Variants in PDIA5 observed in about 807,000 individuals in gnomAD.
The protein encoded by PDIA5 is protein disulfide-isomerase A5.
In PDIA5, 58 loss-of-function variants were observed where a neutral mutation model predicts 77.6. The observed-to-expected ratio is 0.75, with a 90% CI of 0.61 to 0.93. The LOEUF (loss-of-function observed/expected upper bound fraction) is 0.93. Ranked by LOEUF, PDIA5 falls within the 40% of genes least tolerant of loss-of-function variation. The probability of loss-of-function intolerance (pLI) is 0.00; values close to 1 mark genes in which losing one functional copy is unlikely to be tolerated. For synonymous variants in PDIA5, 250 were observed against 252.1 expected (o/e 0.99, Z 0.08); for missense variants, 630 against 647.7 (o/e 0.97, Z 0.30).
At chr3:123,160,834 G>A (rs1936142168) in intron 15 of PDIA5, among the ~76,000 whole-genome samples, 1 of 152,102 alleles carries the variant, frequency 6.6e-6, no homozygotes, top group African/African-American at 2.4e-5. Context: ...GCACCAAGAG[G>A]CTGAGTTATT....
chr3:123,102,729 C>A (rs754352755), intron 4 of PDIA5, 22 bp from the exon 5 acceptor site: 1 of 1,585,836 alleles, frequency 6.3e-7, no homozygotes, highest in South Asian at 1.1e-5. Context: ...AAAGTTAACA[C>A]ATTTTTCTCC....
At chr3:123,147,863 G>T (rs1297509474) in intron 13 of PDIA5, among the ~76,000 whole-genome samples, 1 of 152,174 alleles carries the variant, frequency 6.6e-6, no homozygotes, top group Non-Finnish European at 1.5e-5. Context: ...TGGGGCGGGG[G>T]ATCTGGCCAG....
At chr3:123,085,072 T>G (rs2107915126) in intron 1 of PDIA5, among the ~76,000 whole-genome samples, 1 of 152,336 alleles carries the variant, frequency 6.6e-6, no homozygotes, top group East Asian at 1.9e-4. Context: ...AGCTGTGGTC[T>G]GTGTGGCTTC....
At chr3:123,124,734 A>G (rs1453889579) in intron 10 of PDIA5, among the ~76,000 whole-genome samples, 2 of 152,160 alleles carry the variant, frequency 1.3e-5, no homozygotes, top group East Asian at 1.9e-4. Context: ...CAACACATCT[A>G]TCTGATGGAT....
At chr3:123,141,792 A>C (rs1935642833) in intron 11 of PDIA5, among the ~76,000 whole-genome samples, 1 of 152,258 alleles carries the variant, frequency 6.6e-6, no homozygotes, top group Admixed American at 6.5e-5. Flanking sequence ...ACCTCATATT[A>C]AGTCAGTAGA....
chr3:123,086,619 AGCTCCGTCGTT>A (rs1934145746), intron 1 of PDIA5, among the ~76,000 whole-genome samples: 2 of 152,202 alleles, frequency 1.3e-5, no homozygotes, highest in Non-Finnish European at 2.9e-5. Flanking sequence ...TTCCTCCATG[AGCTCCGTCGTT>A]GCTCTGTTCT....
chr3:123,137,554 C>T (rs1935530732), intron 11 of PDIA5, among the ~76,000 whole-genome samples: 1 of 152,192 alleles, frequency 6.6e-6, no homozygotes, highest in African/African-American at 2.4e-5. Flanking sequence ...TCACTGATCA[C>T]ACTTACTATG....
At chr3:123,085,206 G>C (rs1934105453) in intron 1 of PDIA5, among the ~76,000 whole-genome samples, 1 of 152,202 alleles carries the variant, frequency 6.6e-6, no homozygotes, top group African/African-American at 2.4e-5. Flanking sequence ...TATAATACTG[G>C]TCAAACATTT....
rs112234417 is a variant in PDIA5 at position 123,122,444 on chromosome 3, G to GA, written c.610-1612dup. ...TTTGCTGCATCCTAAAATGGGCTAG[G>GA]AAAAAAAAAACAGTGAATTTAGTGA... On this transcript the variant is annotated intron_variant, in intron 8 of 16. Coordinates refer to ENST00000316218, the MANE Select transcript of PDIA5 (RefSeq NM_006810.4). 4.7e-3 allele frequency among the ~76,000 whole-genome samples: 700 copies of GA among 148,942 alleles called. 3 individuals are homozygous for GA. Among genetic ancestry groups the GA allele is most frequent in the African/African-American group, 0.015 (590 of 40,688 alleles).
At chr3:123,082,894 A>G (rs1934045673) in intron 1 of PDIA5, among the ~76,000 whole-genome samples, 1 of 151,878 alleles carries the variant, frequency 6.6e-6, no homozygotes, top group Admixed American at 6.5e-5. Context: ...TGGCACCTGG[A>G]TTTCCCCCAG....
chr3:123,135,248 T>C (rs1344390233), intron 11 of PDIA5, among the ~76,000 whole-genome samples: 3 of 152,174 alleles, frequency 2.0e-5, no homozygotes, highest in Admixed American at 2.0e-4. Context: ...GCTGTGGCAC[T>C]ACCTGAGTAG....
intron 16 of PDIA5, 150 bp downstream of exon 16, chr3:123,161,605 C>A: frequency 2.4e-6 from 2 of 850,268 alleles, no homozygotes; most frequent in Non-Finnish European, 3.6e-6. Flanking sequence ...CTGGGCCTGG[C>A]TGAGGCTTGA....
chr3:123,085,149 AC>A (rs1361128096), intron 1 of PDIA5, among the ~76,000 whole-genome samples: 1 of 152,062 alleles, frequency 6.6e-6, no homozygotes, highest in African/African-American at 2.4e-5. Context: ...ATAGTGGGTG[AC>A]CTCTGCTAAG....
intron 16 of PDIA5, 87 bp downstream of exon 16, chr3:123,161,542 C>A (rs868582804): frequency 7.0e-7 from 1 of 1,423,508 alleles, no homozygotes; most frequent in Non-Finnish European, 9.6e-7. Flanking sequence ...CACTGGGCAG[C>A]ATCCCAGAAA....
chr3:123,160,446 T>C (rs1476987862), intron 15 of PDIA5, among the ~76,000 whole-genome samples: 1 of 138,956 alleles, frequency 7.2e-6, no homozygotes, highest in Non-Finnish European at 1.6e-5. Context: ...GCTTTACTCA[T>C]GCGGGGCTCC....
Position 123,130,512 on chromosome 3 carries a change from C to T in PDIA5, c.806C>T (p.Thr269Ile), listed in dbSNP as rs1359641976. 1 of 1,614,096 alleles carries T rather than the reference C, an allele frequency of 6.2e-7. No individual in the cohort carries two copies. The highest frequency in any genetic ancestry group is 1.7e-5 in the Admixed American group (1 of 60,020). The change falls in exon 11 of 17, where the codon ACT becomes ATT. Residue 269 changes from threonine (T) to isoleucine (I), a missense_variant. Coordinates refer to ENST00000316218, the MANE Select transcript of PDIA5 (RefSeq NM_006810.4). ...CCGCCACAGCCCCAGGTCCCTGAGA[C>T]TCCCTGGGCAGATGAGGGCGGCTCC... ...PQPPQPQVPE[T>I]PWADEGGSVY...
intron 7 of PDIA5, among the ~76,000 whole-genome samples, chr3:123,114,935 G>A (rs1160843598): frequency 1.3e-5 from 2 of 152,220 alleles, no homozygotes; most frequent in African/African-American, 4.8e-5. Context: ...GGGGCTGTGG[G>A]GCAGTTTTGG....
intron 10 of PDIA5, among the ~76,000 whole-genome samples, 200 bp from the exon 11 acceptor site, chr3:123,130,280 G>T (rs980423118): frequency 2.0e-5 from 3 of 152,350 alleles, no homozygotes; most frequent in Middle Eastern, 6.8e-3. Flanking sequence ...GGGGCTTTGC[G>T]GGGAAGGTGG....
At chr3:123,126,919 T>C (rs1935255752) in intron 10 of PDIA5, among the ~76,000 whole-genome samples, 2 of 152,190 alleles carry the variant, frequency 1.3e-5, no homozygotes, top group South Asian at 4.1e-4. Context: ...AGTAGATGTG[T>C]TGATCGTGGC....
Sources: gnomAD v4.1 joint callset for allele counts (sites outside exome capture counted in the v4.1 genomes callset) on GRCh38, gnomAD v4.1.1 for gene constraint, MANE v1.5 for transcripts, NCBI Gene and HGNC (gene_info 2026-07-23, HGNC 2026-07-21) for gene names.